SEMA6D: variants seen among roughly 807,000 people sequenced by gnomAD.
SEMA6D encodes the protein semaphorin 6D.
In SEMA6D, 35 loss-of-function variants were observed where a neutral mutation model predicts 106.6. The ratio of observed to expected loss-of-function variants is 0.33; its 90% CI spans 0.25 to 0.44. SEMA6D has a LOEUF of 0.44. Among genes scored for constraint, SEMA6D ranks in the 20% least tolerant of loss-of-function variants. The pLI is 1.00. For missense variants in SEMA6D, 1,185 were observed against 1,345.9 expected (o/e 0.88, Z 1.87); for synonymous variants, 499 against 487.7 (o/e 1.02, Z -0.31).
At chr15:47,270,656 T>C (rs758722589) in intron 1 of SEMA6D, among the ~76,000 whole-genome samples, 2 of 152,168 alleles carry the variant, frequency 1.3e-5, no homozygotes, top group Non-Finnish European at 2.9e-5. Flanking sequence ...TCACAAACTA[T>C]TTAGCAATTC....
intron 1 of SEMA6D, among the ~76,000 whole-genome samples, chr15:47,747,542 A>G (rs930840965): frequency 6.6e-6 from 1 of 152,222 alleles, no homozygotes; most frequent in Admixed American, 6.5e-5. Context: ...CAGCTTTATC[A>G]TGTACATAAA....
chr15:47,531,847 GA>G lies in SEMA6D; in HGVS notation c.-87+61303del, dbSNP rs543346728. Among the ~76,000 whole-genome samples, 67 of 152,260 alleles carry G rather than the reference GA, an allele frequency of 4.4e-4. 1 individual carries two copies. The South Asian group carries it at 0.013, about 29-fold the overall frequency. On this transcript the variant is annotated intron_variant, in intron 3 of 19. Coordinates refer to the SEMA6D transcript ENST00000558014. ...ACCAATTAGAGGTCATGTTGTTATG[GA>G]CTGTTCTTTGCATGTGTTGGAGGGG...
intron 3 of SEMA6D, among the ~76,000 whole-genome samples, chr15:47,556,605 G>A (rs2045923455): frequency 6.6e-6 from 1 of 151,872 alleles, no homozygotes; most frequent in African/African-American, 2.4e-5. Flanking sequence ...TATTGTCTAT[G>A]GGTCATGCTA....
chr15:47,463,356 T>C (rs770555218), intron 2 of SEMA6D, among the ~76,000 whole-genome samples: 4 of 152,198 alleles, frequency 2.6e-5, no homozygotes, highest in Non-Finnish European at 4.4e-5. Flanking sequence ...AATCCTTTGC[T>C]GATCATCTCT....
intron 3 of SEMA6D, among the ~76,000 whole-genome samples, chr15:47,555,710 C>G (rs560215014): frequency 2.0e-5 from 3 of 152,268 alleles, no homozygotes; most frequent in African/African-American, 7.2e-5. Flanking sequence ...AAAGTTTCTA[C>G]TTAGTAGACC....
At position 47,764,162 on chromosome 15, in the gene SEMA6D, C is replaced by G; in HGVS notation, c.966-12C>G. On this transcript the variant is annotated splice_polypyrimidine_tract_variant and intron_variant, in intron 10 of 18. Coordinates refer to ENST00000536845, the MANE Select transcript of SEMA6D (RefSeq NM_001358351.3). The stretch of plus-strand genomic sequence containing the variant: ...TCGCCAGCCTCTTCCTGATGATTTT[C>G]TTCCTTTTCAGCATCCCTGGTTCTG... 3 of 1,613,122 alleles carry G rather than the reference C, an allele frequency of 1.9e-6. No homozygotes were observed. Among genetic ancestry groups the G allele is most frequent in the Non-Finnish European group, 2.5e-6 (3 of 1,179,480 alleles).
chr15:47,496,146 C>T (rs1429222578), intron 3 of SEMA6D, among the ~76,000 whole-genome samples: 1 of 152,026 alleles, frequency 6.6e-6, no homozygotes, highest in Non-Finnish European at 1.5e-5. Context: ...TAATGGAACA[C>T]TGGAGCTAAT....
intron 4 of SEMA6D, among the ~76,000 whole-genome samples, chr15:47,634,796 A>G (rs2077354385): frequency 7.1e-6 from 1 of 141,068 alleles, no homozygotes; most frequent in East Asian, 2.2e-4. Context: ...AGTGAGGAAG[A>G]GCACTGCCTG....
At chr15:47,556,579 G>T (rs543411336) in intron 3 of SEMA6D, among the ~76,000 whole-genome samples, 16 of 151,870 alleles carry the variant, frequency 1.1e-4, no homozygotes, top group African/African-American at 3.9e-4. Context: ...TTTTTTTATT[G>T]TCCTGTTATT....
intron 1 of SEMA6D, among the ~76,000 whole-genome samples, chr15:47,307,491 AT>A (rs2036275135): frequency 6.6e-6 from 1 of 152,174 alleles, no homozygotes; most frequent in Admixed American, 6.5e-5. Context: ...AAGGAAAAAT[AT>A]GAATTTTCTC....
rs549419921 is a variant in SEMA6D at position 47,363,938 on chromosome 15, C to T, written c.-238-48455C>T. Among the ~76,000 whole-genome samples, 13 of 152,206 alleles carry T rather than the reference C, an allele frequency of 8.5e-5. No homozygotes were observed. In the South Asian group the frequency reaches 1.0e-3, roughly 12 times the overall value. ...AAATGCAAGCAGGGGAAATGCCAGA[C>T]GCTTATAAAACCATCAGCTCTCCTG... On this transcript the variant is annotated intron_variant, in intron 1 of 19. Transcript: ENST00000558014.
At position 47,772,754 on chromosome 15, in the gene SEMA6D, A is replaced by G. The variant is rs1442800599; in HGVS notation, c.*969A>G. On this transcript the variant is annotated 3_prime_UTR_variant, in exon 19 of 19. Coordinates refer to ENST00000536845, the MANE Select transcript of SEMA6D (RefSeq NM_001358351.3). ...TGTGAATCAAAGCCTGAGTCACTCT[A>G]TTTAACCTTGGACACACTAATAAGG... is the stretch of plus-strand genomic sequence containing the variant. The G allele has an allele frequency of 2.0e-5, 3 of 150,944 alleles. No homozygotes were observed. Among genetic ancestry groups the G allele is most frequent in the East Asian group, 4.1e-4 (2 of 4,848 alleles). 9.4% of individuals were successfully genotyped at this position (150,944 alleles called of 1,614,324 possible). A position where few individuals can be genotyped will look rare whatever the true frequency, so the allele number is the denominator to read the frequency against.
At chr15:47,550,368 G>A (rs1032345890) in intron 3 of SEMA6D, among the ~76,000 whole-genome samples, 4 of 152,074 alleles carry the variant, frequency 2.6e-5, no homozygotes, top group African/African-American at 9.7e-5. Flanking sequence ...GGGAGAAAGA[G>A]GTGCTTTATC....
chr15:47,506,634 C>T lies in SEMA6D; in HGVS notation c.-87+36089C>T, dbSNP rs1208621532. On this transcript the variant is annotated intron_variant, in intron 3 of 19. Coordinates refer to the SEMA6D transcript ENST00000558014. ...CACACACACACACACACACACACAG[C>T]GTTATCGACTGCCTTGCTCATCCCC... Among the ~76,000 whole-genome samples the T allele has an allele frequency of 6.1e-5, 6 of 98,242 alleles. No individual in the cohort carries two copies. In the Admixed American group the frequency reaches 6.9e-4, roughly 11 times the overall value. 64.5% of individuals were successfully genotyped at this position (98,242 alleles called of 152,430 possible).
Position 47,761,403 on chromosome 15 carries a change from C to G in SEMA6D, c.419C>G (p.Ala140Gly). 6.2e-7 allele frequency: 1 copy of G among 1,612,882 alleles called. No homozygotes were observed. The highest frequency in any genetic ancestry group is 8.5e-7 in the Non-Finnish European group (1 of 1,179,346). The change falls in exon 6 of 19, where the codon GCA becomes GGA. Residue 140 changes from alanine to glycine, a missense_variant. By Grantham distance (60) the Ala-to-Gly change is moderately conservative. Around this residue, in one of 3 missense-constraint regions of SEMA6D, gnomAD observed 291 missense variants for 423.8 expected, o/e 0.69. Transcript: ENST00000536845. ...ATGGTTTTTGTTTGTGGTACCAATG[C>G]ATTCAATCCCATGTGTAGATACTAC... is the stretch of plus-strand genomic sequence containing the variant. ...DEMVFVCGTNAFNPMCRYYRL... is the reference protein window; with the variant it reads ...DEMVFVCGTNGFNPMCRYYRL...
chr15:47,298,186 C>T (rs530774140), intron 1 of SEMA6D, among the ~76,000 whole-genome samples: 1 of 152,258 alleles, frequency 6.6e-6, no homozygotes, highest in African/African-American at 2.4e-5. Flanking sequence ...CAGAAGCCCT[C>T]CTGGGTTAGG....
intron 1 of SEMA6D, among the ~76,000 whole-genome samples, chr15:47,245,113 T>C (rs916306912): frequency 6.6e-6 from 1 of 152,054 alleles, no homozygotes. Flanking sequence ...GATGGGCACC[T>C]AGGTTGATTC....
chr15:47,660,019 T>A (rs2077885243), intron 4 of SEMA6D, among the ~76,000 whole-genome samples: 1 of 152,046 alleles, frequency 6.6e-6, no homozygotes, highest in African/African-American at 2.4e-5. Flanking sequence ...CATTGTTTAA[T>A]CTCATAGGAC....
chr15:47,207,991 GCGCACACACACACACACA>G (rs1344624616), intron 1 of SEMA6D, among the ~76,000 whole-genome samples: 1,414 of 122,982 alleles, frequency 0.011, 45 homozygotes, highest in Admixed American at 0.053. Context: ...ACTGGCGCGC[GCGCACACACACACACACA>G]CACACACACA....
Sources: gnomAD v4.1 joint callset for allele counts (sites outside exome capture counted in the v4.1 genomes callset) on GRCh38, gnomAD v4.1.1 for gene constraint, gnomAD v4.1.1 regional missense constraint, MANE v1.5 for transcripts, NCBI Gene and HGNC (gene_info 2026-07-23, HGNC 2026-07-21) for gene names.